The following SLC25A21 variants were observed in gnomAD, a reference collection of about 807,000 sequenced individuals.
The protein encoded by SLC25A21 is mitochondrial 2-oxodicarboxylate carrier.
In SLC25A21, 47 loss-of-function variants were observed where a neutral mutation model predicts 43.8. The observed-to-expected ratio is 1.07, with a 90% confidence interval of 0.85 to 1.37. The LOEUF (loss-of-function observed/expected upper bound fraction) is 1.37, where lower values mean the gene tolerates loss of function less well. Ranked by LOEUF, SLC25A21 falls within the 40% of genes most tolerant of loss-of-function variation. SLC25A21 has a pLI of 0.00. For synonymous variants in SLC25A21, 131 were observed against 121.3 expected, an observed-to-expected ratio of 1.08 and a Z score of -0.52; for missense variants, 352 against 350.2, an observed-to-expected ratio of 1.00 and a Z score of -0.04.
intron 1 of SLC25A21, among the ~76,000 whole-genome samples, chr14:36,940,206 A>G (rs1184836424): frequency 6.6e-6 from 1 of 152,110 alleles, no homozygotes; most frequent in Non-Finnish European, 1.5e-5. Context: ...ACTTTTCCAT[A>G]TAACTAAGCT....
chr14:36,678,985 C>G lies in SLC25A21; in HGVS notation c.*1673G>C. The G allele has an allele frequency of 1.0e-6, 1 of 979,532 alleles. No homozygotes were observed. Among genetic ancestry groups the G allele is most frequent in the African/African-American group, 1.8e-5 (1 of 55,754 alleles). 60.7% of individuals were successfully genotyped at this position (979,532 alleles called of 1,614,324 possible). On this transcript the variant is annotated 3_prime_UTR_variant, in exon 10 of 10. Transcript: ENST00000331299. ...ATTGGTTAATGTTGACATATTTCCT[C>G]TATCTCATAGATGGTAAAAGTGTTG...
chr14:37,060,193 A>T (rs1961915377), intron 1 of SLC25A21, among the ~76,000 whole-genome samples: 1 of 151,930 alleles, frequency 6.6e-6, no homozygotes, highest in Non-Finnish European at 1.5e-5. Context: ...CTCAGAAAAG[A>T]GAACACAAAG....
chr14:36,844,260 T>A (rs1889474762), intron 2 of SLC25A21, among the ~76,000 whole-genome samples: 1 of 152,188 alleles, frequency 6.6e-6, no homozygotes, highest in African/African-American at 2.4e-5. Context: ...TAAGAACACA[T>A]CCTACCTAAT....
chr14:37,121,248 C>T (rs1963201968), intron 1 of SLC25A21, among the ~76,000 whole-genome samples: 1 of 152,166 alleles, frequency 6.6e-6, no homozygotes, highest in Admixed American at 6.6e-5. Flanking sequence ...AGAATGGTTA[C>T]ATCCAGTTAT....
At chr14:37,089,025 C>T (rs1421781466) in intron 1 of SLC25A21, among the ~76,000 whole-genome samples, 4 of 152,114 alleles carry the variant, frequency 2.6e-5, no homozygotes, top group African/African-American at 9.7e-5. Context: ...CTCTGACTTC[C>T]GCCGTAAGCG....
At chr14:36,888,166 C>G (rs1890976174) in intron 1 of SLC25A21, among the ~76,000 whole-genome samples, 1 of 152,152 alleles carries the variant, frequency 6.6e-6, no homozygotes, top group South Asian at 2.1e-4. Flanking sequence ...AATTCTGTTG[C>G]TTAGCCTACT....
chr14:36,690,656 T>C (rs1566498645), intron 7 of SLC25A21, among the ~76,000 whole-genome samples: 1 of 152,314 alleles, frequency 6.6e-6, no homozygotes, highest in Non-Finnish European at 1.5e-5. Flanking sequence ...AATGGGCATC[T>C]AAGCAGCTAT....
At chr14:36,805,003 A>G (rs1295973009) in intron 3 of SLC25A21, among the ~76,000 whole-genome samples, 1 of 152,170 alleles carries the variant, frequency 6.6e-6, no homozygotes, top group Non-Finnish European at 1.5e-5. Context: ...CCCATTGGCT[A>G]TGGAATCCCA....
At position 37,149,620 on chromosome 14, in the gene SLC25A21, G is replaced by A. The variant is rs78705476; in HGVS notation, c.70+22661C>T. Among the ~76,000 whole-genome samples, 956 of 152,152 alleles carry A rather than the reference G, an allele frequency of 6.3e-3. 9 individuals are homozygous for A. The highest frequency in any genetic ancestry group is 0.02 in the African/African-American group (824 of 41,494). On this transcript the variant is annotated intron_variant, in intron 1 of 9. Transcript: ENST00000331299. ...TGAGGCAGCAGAATCGCTTAAACCG[G>A]GAGGCAGAGGTTGCAGTGAGCTGAG...
At chr14:36,747,135 T>C (rs749610293) in intron 3 of SLC25A21, among the ~76,000 whole-genome samples, 3 of 152,224 alleles carry the variant, frequency 2.0e-5, no homozygotes, top group Non-Finnish European at 4.4e-5. Context: ...CTGAATTGAA[T>C]ATGTATTAGT....
intron 7 of SLC25A21, among the ~76,000 whole-genome samples, chr14:36,695,203 C>T (rs1882964175): frequency 6.6e-6 from 1 of 152,134 alleles, no homozygotes; most frequent in African/African-American, 2.4e-5. Flanking sequence ...TCAGGTTTGT[C>T]AAAGATCAGA....
At chr14:37,159,380 T>C (rs1963902180) in intron 1 of SLC25A21, among the ~76,000 whole-genome samples, 1 of 151,944 alleles carries the variant, frequency 6.6e-6, no homozygotes, top group Non-Finnish European at 1.5e-5. Flanking sequence ...AAAAGAGACA[T>C]ATAGACAAAT....
At chr14:37,100,161 AG>A (rs931136022) in intron 1 of SLC25A21, among the ~76,000 whole-genome samples, 8 of 151,892 alleles carry the variant, frequency 5.3e-5, no homozygotes, top group African/African-American at 1.5e-4. Context: ...CAGGTTCAAG[AG>A]GTTCTCCAGC....
intron 3 of SLC25A21, among the ~76,000 whole-genome samples, chr14:36,745,853 A>G (rs1397196145): frequency 1.3e-5 from 2 of 152,192 alleles, no homozygotes; most frequent in East Asian, 3.9e-4. Flanking sequence ...ATATGAAAAC[A>G]TGCTCAACAT....
intron 3 of SLC25A21, among the ~76,000 whole-genome samples, chr14:36,749,476 A>G (rs574037341): frequency 1.3e-5 from 2 of 152,288 alleles, no homozygotes; most frequent in African/African-American, 4.8e-5. Flanking sequence ...AAGCAGTACC[A>G]GAATGCTCCT....
At chr14:36,708,690 G>A (rs1328594403) in intron 7 of SLC25A21, among the ~76,000 whole-genome samples, 1 of 151,412 alleles carries the variant, frequency 6.6e-6, no homozygotes, top group Non-Finnish European at 1.5e-5. Context: ...TCTTGCCTCA[G>A]CCTGCAGAGT....
intron 1 of SLC25A21, among the ~76,000 whole-genome samples, chr14:36,916,707 AC>A (rs1891842849): frequency 6.6e-6 from 1 of 152,160 alleles, no homozygotes; most frequent in South Asian, 2.1e-4. Context: ...CTGTATAACT[AC>A]TGTGTCCACA....
chr14:36,799,725 A>C (rs112830300), intron 3 of SLC25A21, among the ~76,000 whole-genome samples: 2 of 152,322 alleles, frequency 1.3e-5, no homozygotes, highest in African/African-American at 4.8e-5. Flanking sequence ...GACAAGTTAC[A>C]CAAACATTTT....
intron 9 of SLC25A21, among the ~76,000 whole-genome samples, chr14:36,682,224 T>A (rs144634135): frequency 1.3e-5 from 2 of 152,064 alleles, no homozygotes; most frequent in African/African-American, 4.8e-5. Context: ...CACCCTTCAT[T>A]CAAAAGTCTT....
Sources: allele counts gnomAD v4.1 joint callset (sites outside exome capture counted in the v4.1 genomes callset), GRCh38; gene constraint gnomAD v4.1.1; transcripts MANE v1.5; gene names NCBI Gene and HGNC (gene_info 2026-07-23, HGNC 2026-07-21).